CDK14: variants seen among roughly 807,000 people sequenced by gnomAD.
CDK14 encodes the protein cyclin-dependent kinase 14.
A neutral mutation model predicts 60.7 loss-of-function variants in CDK14; 34 were observed. The observed-to-expected ratio is 0.56, with a 90% CI of 0.43 to 0.75. The LOEUF is 0.75. Among genes scored for constraint, CDK14 ranks in the 30% least tolerant of loss-of-function variants. CDK14 has a pLI of 0.00. For synonymous variants in CDK14, 197 were observed against 203.7 expected (o/e 0.97, Z 0.28); for missense variants, 482 against 564.1 (o/e 0.85, Z 1.47).
intron 9 of CDK14, among the ~76,000 whole-genome samples, chr7:90,966,481 G>A (rs542487635): frequency 2.0e-5 from 3 of 152,274 alleles, no homozygotes; most frequent in Admixed American, 1.3e-4. Context: ...CTCCTCATAT[G>A]CTGATTACAG....
intron 2 of CDK14, among the ~76,000 whole-genome samples, chr7:90,697,940 C>T (rs968366496): frequency 3.5e-4 from 53 of 151,470 alleles, no homozygotes; most frequent in African/African-American, 1.1e-3. Flanking sequence ...TGGTGGCGGG[C>T]GCCTGTATTC....
intron 14 of CDK14, among the ~76,000 whole-genome samples, chr7:91,202,434 A>G (rs914109656): frequency 2.0e-5 from 3 of 152,200 alleles, no homozygotes; most frequent in Non-Finnish European, 1.5e-5. Flanking sequence ...CTTATAATTC[A>G]TGTACACTGT....
chr7:90,726,841 G>A (rs373807949), intron 3 of CDK14, 29 bp downstream of exon 3: 5 of 1,610,596 alleles, frequency 3.1e-6, no homozygotes, highest in Admixed American at 1.7e-5. Context: ...TTTATCACTG[G>A]GTAAACAGAA....
At chr7:90,864,295 G>C (rs1046194500) in intron 6 of CDK14, among the ~76,000 whole-genome samples, 9 of 152,126 alleles carry the variant, frequency 5.9e-5, no homozygotes, top group Admixed American at 3.3e-4. Flanking sequence ...GACAGCTAGA[G>C]CTGAGCAGTT....
chr7:90,768,426 C>T (rs1161488370), intron 4 of CDK14, among the ~76,000 whole-genome samples: 2 of 152,010 alleles, frequency 1.3e-5, no homozygotes, highest in Admixed American at 1.3e-4. Context: ...GAGGTAGCAG[C>T]GATTATTTTT....
chr7:91,117,014 C>T (rs1308443014), intron 13 of CDK14, among the ~76,000 whole-genome samples: 2 of 149,406 alleles, frequency 1.3e-5, no homozygotes, highest in African/African-American at 5.0e-5. Flanking sequence ...TTCAAATATC[C>T]ATCTCCAGTC....
chr7:90,765,780 GT>G (rs1804532398), intron 4 of CDK14, among the ~76,000 whole-genome samples: 1 of 152,092 alleles, frequency 6.6e-6, no homozygotes, highest in African/African-American at 2.4e-5. Context: ...GTTTTGTGTT[GT>G]TTCAGTTTTA....
chr7:91,058,851 T>G (rs2116099274), intron 11 of CDK14, among the ~76,000 whole-genome samples: 1 of 152,358 alleles, frequency 6.6e-6, no homozygotes, highest in East Asian at 1.9e-4. Flanking sequence ...TCACGGATAT[T>G]GGTCTAAAAT....
At position 91,091,501 on chromosome 7, in the gene CDK14, TTATATA is replaced by T. The variant is rs56670195; in HGVS notation, c.1154+12032_1154+12037del. Reference sequence around the variant, plus strand: ...TATATGTATATGTAGTTTATATATTTTATATATATATATATAAATTAGCCAGGCATG... The same window carrying T: ...TATATGTATATGTAGTTTATATATTTTATATATATAAATTAGCCAGGCATG... On this transcript the variant is annotated intron_variant, in intron 12 of 14. Coordinates refer to ENST00000380050, the MANE Select transcript of CDK14 (RefSeq NM_001287135.2). Among the ~76,000 whole-genome samples, 366 of 88,986 alleles carry T rather than the reference TTATATA, an allele frequency of 4.1e-3. 28 individuals carry two copies. The highest frequency in any genetic ancestry group is 0.015 in the African/African-American group (341 of 23,028). The allele number at this position is 88,986 out of a possible 152,430, so 58.4% of individuals were successfully genotyped here.
chr7:90,610,169 C>A (rs1209722209), intron 2 of CDK14, among the ~76,000 whole-genome samples: 1 of 152,152 alleles, frequency 6.6e-6, no homozygotes, highest in East Asian at 1.9e-4. Context: ...TAGTTCCTTC[C>A]CTGATCACTC....
At chr7:90,749,241 A>AT (rs1012400484) in intron 4 of CDK14, among the ~76,000 whole-genome samples, 2 of 142,818 alleles carry the variant, frequency 1.4e-5, no homozygotes, top group Non-Finnish European at 3.1e-5. Flanking sequence ...GCCTCGTTCT[A>AT]TATCTTGAGC....
chr7:90,656,279 A>G (rs1237057693), intron 2 of CDK14, among the ~76,000 whole-genome samples: 4 of 152,142 alleles, frequency 2.6e-5, no homozygotes, highest in African/African-American at 9.7e-5. Context: ...ATTTGGACTC[A>G]TTATTATTTT....
At chr7:91,135,419 G>A (rs993851481) in intron 14 of CDK14, among the ~76,000 whole-genome samples, 1 of 152,160 alleles carries the variant, frequency 6.6e-6, no homozygotes, top group Non-Finnish European at 1.5e-5. Context: ...TGTCAGAGCT[G>A]TGAAAGATAT....
intron 9 of CDK14, among the ~76,000 whole-genome samples, chr7:90,976,782 A>G (rs553994813): frequency 2.6e-5 from 4 of 152,108 alleles, no homozygotes; most frequent in African/African-American, 9.6e-5. Flanking sequence ...ATTTACTCTC[A>G]TTTTGTGGGT....
intron 12 of CDK14, among the ~76,000 whole-genome samples, chr7:91,110,814 C>G (rs1799449062): frequency 3.9e-5 from 6 of 152,162 alleles, no homozygotes; most frequent in Admixed American, 3.3e-4. Context: ...TATGAACATA[C>G]TGTTCACCAT....
At chr7:90,888,159 G>C (rs1792009389) in intron 6 of CDK14, among the ~76,000 whole-genome samples, 1 of 152,184 alleles carries the variant, frequency 6.6e-6, no homozygotes, top group Non-Finnish European at 1.5e-5. Flanking sequence ...AGACCATCCT[G>C]GCCAGCATGG....
intron 12 of CDK14, among the ~76,000 whole-genome samples, chr7:91,103,308 A>G (rs1369707426): frequency 1.3e-5 from 2 of 151,622 alleles, no homozygotes; most frequent in Non-Finnish European, 2.9e-5. Context: ...TGCCACAACC[A>G]GTGGACCTCC....
chr7:90,892,681 A>T (rs1792172765), intron 6 of CDK14, among the ~76,000 whole-genome samples: 1 of 152,196 alleles, frequency 6.6e-6, no homozygotes, highest in Non-Finnish European at 1.5e-5. Flanking sequence ...CCCTCCTCGG[A>T]TTCCTTCCCC....
At chr7:90,784,920 T>C (rs1361786746) in intron 4 of CDK14, among the ~76,000 whole-genome samples, 1 of 152,228 alleles carries the variant, frequency 6.6e-6, no homozygotes, top group African/African-American at 2.4e-5. Context: ...ACTATTAATA[T>C]AACTTTAAAA....
Sources: gnomAD v4.1 joint callset for allele counts (sites outside exome capture counted in the v4.1 genomes callset) on GRCh38, gnomAD v4.1.1 for gene constraint, MANE v1.5 for transcripts, NCBI Gene and HGNC (gene_info 2026-07-23, HGNC 2026-07-21) for gene names.